Variants in PCDHA3 observed in about 807,000 individuals in gnomAD.
PCDHA3 encodes protocadherin alpha-3.
A neutral mutation model predicts 62.2 loss-of-function variants in PCDHA3; 41 were observed. That is an observed-to-expected ratio of 0.66 (90% CI 0.51 to 0.86). The LOEUF (loss-of-function observed/expected upper bound fraction) is 0.86. Among genes scored for constraint, PCDHA3 ranks in the 40% least tolerant of loss-of-function variants. PCDHA3 has a pLI of 0.00. For synonymous variants in PCDHA3, 640 were observed against 555.4 expected (o/e 1.15, Z -2.14); for missense variants, 1,304 against 1,241.2 (o/e 1.05, Z -0.76).
chr5:140,825,524 A>G (rs1554130271), intron 1 of PCDHA3: 1 of 151,394 alleles, frequency 6.6e-6, no homozygotes, highest in Non-Finnish European at 1.5e-5. Flanking sequence ...TCCCAGGTTC[A>G]AGCGATTCTC....
At chr5:140,813,646 C>A (rs1168752687) in intron 1 of PCDHA3, 1 of 152,114 alleles carries the variant, frequency 6.6e-6, no homozygotes. Flanking sequence ...TTACTGTGCA[C>A]TAATGTAGAC....
intron 1 of PCDHA3, chr5:140,876,435 C>T: frequency 6.2e-7 from 1 of 1,613,970 alleles, no homozygotes; most frequent in South Asian, 1.1e-5. Context: ...TTCAGGTTAA[C>T]GCCATTGATA....
Position 140,802,124 on chromosome 5 carries a change from T to C in PCDHA3, c.927T>C (p.Asp309=). 6.2e-7 allele frequency: 1 copy of C among 1,614,212 alleles called. No individual in the cohort carries two copies. Among genetic ancestry groups the C allele is most frequent in the South Asian group, 1.1e-5 (1 of 91,082 alleles). The part of the protein sequence containing the change: ...NGQISVKGNI[D]FEESKSYEIQ... ...AAATCAGTGTAAAGGGTAACATAGA[T>C]TTCGAGGAAAGTAAGTCATATGAAA... Residue 309 remains aspartate (D), a synonymous_variant, in exon 1 of 4, where the codon GAT becomes GAC. Coordinates refer to ENST00000522353, the MANE Select transcript of PCDHA3 (RefSeq NM_018906.3).
chr5:140,853,310 T>C lies in PCDHA3; in HGVS notation c.2394+49719T>C, dbSNP rs2042704013. On this transcript the variant is annotated intron_variant, in intron 1 of 3. Coordinates refer to ENST00000522353, the MANE Select transcript of PCDHA3 (RefSeq NM_018906.3). ...ATTCTCAGAAGGGCTGTGAACACCT[T>C]AGTAATAAATTTATCTTTTGAGGTC... The C allele has an allele frequency of 3.0e-6, 3 of 983,796 alleles. 1 individual carries two copies. The highest frequency in any genetic ancestry group is 3.7e-6 in the Non-Finnish European group (3 of 816,256). 60.9% of individuals were successfully genotyped at this position (983,796 alleles called of 1,614,324 possible). A position where few individuals can be genotyped will look rare whatever the true frequency, so the allele number is the denominator to read the frequency against.
chr5:141,008,300 C>G (rs1272725012), intron 3 of PCDHA3, among the ~76,000 whole-genome samples: 3 of 152,162 alleles, frequency 2.0e-5, no homozygotes, highest in African/African-American at 7.2e-5. Context: ...GTACCCAACC[C>G]TAAACTGTAA....
intron 1 of PCDHA3, among the ~76,000 whole-genome samples, chr5:140,894,240 ATTTTC>A (rs2064382890): frequency 6.6e-6 from 1 of 151,828 alleles, no homozygotes; most frequent in African/African-American, 2.4e-5. Flanking sequence ...TGACAATGTA[ATTTTC>A]TTTTCTTTAC....
intron 1 of PCDHA3, chr5:140,876,776 T>C: frequency 1.2e-6 from 2 of 1,614,212 alleles, no homozygotes; most frequent in Non-Finnish European, 1.7e-6. Context: ...TCGCCTTCGC[T>C]GTGGGCCACG....
At chr5:140,807,306 A>G (rs782721399) in intron 1 of PCDHA3, 2 of 1,614,120 alleles carry the variant, frequency 1.2e-6, no homozygotes, top group Admixed American at 1.7e-5. Context: ...GAGGAGGCCA[A>G]ACACGGCACC....
At chr5:140,925,124 A>AGGAAGG (rs1554202565) in intron 1 of PCDHA3, among the ~76,000 whole-genome samples, 1 of 151,852 alleles carries the variant, frequency 6.6e-6, no homozygotes, top group South Asian at 2.1e-4. Context: ...GAAGGAAGGA[A>AGGAAGG]AAAAAATTTC....
Position 140,883,665 on chromosome 5 carries a change from A to G in PCDHA3, c.2394+80074A>G, listed in dbSNP as rs782383703. 3.7e-6 allele frequency: 6 copies of G among 1,613,494 alleles called. No individual in the cohort carries two copies. The African/African-American group carries it at 8.0e-5, about 22-fold the overall frequency. On this transcript the variant is annotated intron_variant, in intron 1 of 3. Transcript: ENST00000522353. ...CCCGAGTACACGGTGTTCGTGAAGG[A>G]AAACAATCCGCCGGGCTGCCACATC...
At chr5:140,987,824 G>A (rs1032765154) in intron 3 of PCDHA3, among the ~76,000 whole-genome samples, 1 of 151,972 alleles carries the variant, frequency 6.6e-6, no homozygotes, top group Non-Finnish European at 1.5e-5. Flanking sequence ...TGTTTCCTTA[G>A]GGGATTGCTT....
At chr5:140,966,172 G>A in intron 1 of PCDHA3, 1 of 184,672 alleles carries the variant, frequency 5.4e-6, no homozygotes, top group East Asian at 1.4e-4. Context: ...TTTTCCTGGG[G>A]AGCTGATAGC....
intron 1 of PCDHA3, among the ~76,000 whole-genome samples, chr5:140,937,353 T>C (rs2091494629): frequency 6.6e-6 from 1 of 152,146 alleles, no homozygotes; most frequent in Admixed American, 6.5e-5. Context: ...ATTTATTTTA[T>C]TATTTTATCT....
intron 1 of PCDHA3, among the ~76,000 whole-genome samples, chr5:140,936,829 CTA>C (rs1370139349): frequency 5.9e-5 from 9 of 152,026 alleles, no homozygotes; most frequent in African/African-American, 1.7e-4. Flanking sequence ...CTTTGCATTT[CTA>C]TATAAATTGT....
intron 1 of PCDHA3, among the ~76,000 whole-genome samples, chr5:140,934,332 T>C (rs1452316834): frequency 1.3e-5 from 2 of 152,140 alleles, no homozygotes; most frequent in Non-Finnish European, 2.9e-5. Flanking sequence ...ATGAATGTAA[T>C]AACCACCAGT....
At chr5:140,838,145 A>G (rs1356834220) in intron 1 of PCDHA3, among the ~76,000 whole-genome samples, 8 of 118,544 alleles carry the variant, frequency 6.7e-5, no homozygotes, top group Non-Finnish European at 1.1e-4. Flanking sequence ...ACAGAGTTTT[A>G]CTCTGTCGCC....
rs147440301 is a variant in PCDHA3, at chr5:140,924,523, G to A, written c.2395-54426G>A. On this transcript the variant is annotated intron_variant, in intron 1 of 3. Transcript: ENST00000522353. ...AATCCCACTCTTAGTGTTAAAAAGA[G>A]AATGCCCGAGCTACCCCTCTCCCCA... is the stretch of plus-strand genomic sequence containing the variant. Among the ~76,000 whole-genome samples, 1,224 of 152,202 alleles carry A rather than the reference G, an allele frequency of 8.0e-3. 6 individuals carry two copies. The highest frequency in any genetic ancestry group is 0.019 in the African/African-American group (791 of 41,530).
chr5:140,868,989 C>A (rs1280457697), intron 1 of PCDHA3: 91 of 1,506,736 alleles, frequency 6.0e-5, no homozygotes, highest in Non-Finnish European at 7.5e-5. Context: ...CGGATGCCAC[C>A]GTTTAAGGAT....
At chr5:140,993,621 A>G (rs531527051) in intron 3 of PCDHA3, among the ~76,000 whole-genome samples, 7 of 152,190 alleles carry the variant, frequency 4.6e-5, no homozygotes, top group African/African-American at 1.7e-4. Flanking sequence ...GGGACCCTCT[A>G]TATATAGTCG....
Sources: gnomAD v4.1 joint callset for allele counts (sites outside exome capture counted in the v4.1 genomes callset) on GRCh38, gnomAD v4.1.1 for gene constraint, MANE v1.5 for transcripts, NCBI Gene and HGNC (gene_info 2026-07-23, HGNC 2026-07-21) for gene names.